LGI4: variants seen among roughly 807,000 people sequenced by gnomAD.
The protein encoded by LGI4 is leucine-rich repeat LGI family member 4.
In LGI4, 36 loss-of-function variants were observed where a neutral mutation model predicts 48.3. The ratio of observed to expected loss-of-function variants is 0.75; its 90% confidence interval spans 0.57 to 0.98. LGI4 has a LOEUF of 0.98. Among genes scored for constraint, LGI4 ranks in the 50% least tolerant of loss-of-function variants. The pLI is 0.00. For missense variants in LGI4, 701 were observed against 732.1 expected, an observed-to-expected ratio of 0.96 and a Z score of 0.49; for synonymous variants, 355 against 331.6, an observed-to-expected ratio of 1.07 and a Z score of -0.77.
chr19:35,126,265 C>A lies in LGI4; in HGVS notation c.1299+5G>T, dbSNP rs1064797095. The A allele has an allele frequency of 6.2e-7, 1 of 1,611,336 alleles. No individual in the cohort carries two copies. The highest frequency in any genetic ancestry group is 8.5e-7 in the Non-Finnish European group (1 of 1,179,304). On this transcript the variant is annotated splice_donor_5th_base_variant and intron_variant, in intron 8 of 8. Coordinates refer to ENST00000310123, the MANE Select transcript of LGI4 (RefSeq NM_139284.3). Reference sequence around the variant, plus strand: ...CCAGCCCCCCGCCCCCAGGCCCAGCCTCACCATGGAGTCCCCAATGTAGCG... The same window carrying A: ...CCAGCCCCCCGCCCCCAGGCCCAGCATCACCATGGAGTCCCCAATGTAGCG...
chr19:35,131,589 G>C, intron 5 of LGI4, 34 bp from the exon 6 acceptor site: 1 of 1,539,618 alleles, frequency 6.5e-7, no homozygotes, highest in African/African-American at 1.4e-5. Context: ...GCTGCGACCC[G>C]GCTTCCACGC....
At position 35,126,869 on chromosome 19, in the gene LGI4, G is replaced by C. The variant is rs142079025; in HGVS notation, c.777C>G (p.Pro259=). Residue 259 remains proline, a synonymous_variant, in exon 7 of 9, where the codon CCC becomes CCG. Transcript: ENST00000310123. ...GGGGCTCACCGGGCAGCTCTTCCTC[G>C]GGCCGGAAGCGCTGCAGGCTGTAGT... ...SWDYSLQRFR[P]EEELPAASVV... The C allele has an allele frequency of 1.5e-3, 2,396 of 1,611,750 alleles. 3 individuals are homozygous for C. The highest frequency in any genetic ancestry group is 1.9e-3 in the Non-Finnish European group (2,211 of 1,179,448).
chr19:35,126,176 C>G, intron 8 of LGI4, 94 bp downstream of exon 8: 1 of 1,382,818 alleles, frequency 7.2e-7, no homozygotes, highest in Non-Finnish European at 1.0e-6. Context: ...GTTCAAAGGT[C>G]GGCATGTGAG....
rs768114458 is a variant in LGI4 at position 35,125,496 on chromosome 19, C to G, written c.1311G>C (p.Trp437Cys). The change falls in exon 9 of 9, where the codon TGG (tryptophan) becomes TGC (cysteine). Residue 437 changes from tryptophan to cysteine, a missense_variant. Physicochemically the swap from Trp to Cys is radical, Grantham distance 215. Around this residue, in one of 3 missense-constraint regions of LGI4, gnomAD observed 223 missense variants for 263.3 expected, o/e 0.85. Transcript: ENST00000310123. ...RYIGDSMVMR[W>C]DGSMFRLLQQ... ...GCAGCAGACGAAACATGGAGCCGTC[C>G]CAGCGCATGACCTGTGGGGGTGTGG... The G allele has an allele frequency of 6.4e-7, 1 of 1,561,370 alleles. No individual in the cohort carries two copies. The highest frequency in any genetic ancestry group is 8.7e-7 in the Non-Finnish European group (1 of 1,150,978).
chr19:35,134,915 A>C lies in LGI4; in HGVS notation c.-235T>G. Reference sequence around the variant, plus strand: ...CTGTCTTTCTGTCTCTGTATTTTTGACTCTGTGTGTTAGTCTGTTTCTATT... The same window carrying C: ...CTGTCTTTCTGTCTCTGTATTTTTGCCTCTGTGTGTTAGTCTGTTTCTATT... On this transcript the variant is annotated 5_prime_UTR_variant, in exon 1 of 9. Coordinates refer to ENST00000310123, the MANE Select transcript of LGI4 (RefSeq NM_139284.3). 7 of 474,696 alleles carry C rather than the reference A, an allele frequency of 1.5e-5. No homozygotes were observed. Among genetic ancestry groups the C allele is most frequent in the African/African-American group, 2.1e-5 (1 of 47,182 alleles). 29.4% of individuals were successfully genotyped at this position (474,696 alleles called of 1,614,324 possible).
At chr19:35,133,834 C>T in intron 2 of LGI4, 70 bp from the exon 3 acceptor site, 1 of 1,508,076 alleles carries the variant, frequency 6.6e-7, no homozygotes, top group Non-Finnish European at 9.0e-7. Context: ...CCCTGGCCTC[C>T]ACCCTCAGCC....
chr19:35,131,907 G>A lies in LGI4; in HGVS notation c.387-47C>T. ...CCGTCAGCAGCCACAAGGATACCCT[G>A]TGTTCCCTGGGGGGTGGAGCATGGG... On this transcript the variant is annotated intron_variant, in intron 4 of 8. Coordinates refer to ENST00000310123, the MANE Select transcript of LGI4 (RefSeq NM_139284.3). The A allele has an allele frequency of 1.9e-6, 3 of 1,564,438 alleles. No homozygotes were observed. The South Asian group carries it at 3.5e-5, about 18-fold the overall frequency.
intron 8 of LGI4, 93 bp downstream of exon 8, chr19:35,126,177 G>A (rs1297555906): frequency 1.4e-6 from 2 of 1,390,582 alleles, no homozygotes; most frequent in South Asian, 1.3e-5. Context: ...TTCAAAGGTC[G>A]GCATGTGAGG....
At position 35,126,500 on chromosome 19, in the gene LGI4, T is replaced by C. The variant is rs2065138452; in HGVS notation, c.1069A>G (p.Ser357Gly). 6.4e-7 allele frequency: 1 copy of C among 1,555,032 alleles called. No individual in the cohort carries two copies. The highest frequency in any genetic ancestry group is 8.7e-7 in the Non-Finnish European group (1 of 1,154,716). Residue 357 changes from serine to glycine, a missense_variant, in exon 8 of 9, where the codon AGC becomes GGC. Ser to Gly is a moderately conservative substitution (Grantham distance 56). Around this residue, in one of 3 missense-constraint regions of LGI4, gnomAD observed 223 missense variants for 263.3 expected, o/e 0.85. Transcript: ENST00000310123. ...GTGTCCCGGTGCCAGGCGTGCAGGC[T>C]CTGGTGCGGGTAAAAGCCGGGCCCG... The part of the protein sequence containing the change: ...RDGPGFYPHQ[S>G]LHAWHRDTDA...
At chr19:35,134,151 T>C in intron 1 of LGI4, 47 bp from the exon 2 acceptor site, 1 of 1,508,866 alleles carries the variant, frequency 6.6e-7, no homozygotes, top group South Asian at 1.2e-5. Context: ...ACAGCAATAC[T>C]CCAGTTGCAA....
rs376261637 is a variant in LGI4 at position 35,134,704 on chromosome 19, C to T, written c.-24G>A. On this transcript the variant is annotated 5_prime_UTR_variant, in exon 1 of 9. It adds an upstream start codon to the 5' untranslated region. Coordinates refer to ENST00000310123, the MANE Select transcript of LGI4 (RefSeq NM_139284.3). ...ATGCCCCCACCCCCACTCTGAGGCA[C>T]CCGCTTCTCCCGGCCCACCCAGCTC... The T allele has an allele frequency of 1.3e-5, 17 of 1,309,912 alleles. No individual in the cohort carries two copies. The highest frequency in any genetic ancestry group is 2.2e-5 in the Admixed American group (1 of 44,910). The allele number at this position is 1,309,912 out of a possible 1,614,324, so 81.1% of individuals were successfully genotyped here.
rs1399693480 is a variant in LGI4, at chr19:35,126,360, G to T, written c.1209C>A (p.Ile403=). The T allele has an allele frequency of 3.7e-6, 6 of 1,611,750 alleles. No homozygotes were observed. In the Admixed American group the frequency reaches 1.0e-4, roughly 27 times the overall value. Residue 403 remains isoleucine, a synonymous_variant, in exon 8 of 9, where the codon ATC becomes ATA. Transcript: ENST00000310123. The part of the protein sequence containing the change: ...TGGRFERRTD[I]PEAEDVYATR... ...TGGCATAGACATCCTCGGCCTCGGG[G>T]ATGTCTGTGCGTCTCTCGAAGCGGC...
chr19:35,126,814 A>T, intron 7 of LGI4, 39 bp from the exon 8 acceptor site: 1 of 1,594,886 alleles, frequency 6.3e-7, no homozygotes, highest in Non-Finnish European at 8.5e-7. Context: ...CCAGCCAGGC[A>T]GGCTGCTGGA....
chr19:35,134,591 G>A lies in LGI4; in HGVS notation c.90C>T (p.Arg30=). The part of the protein sequence containing the change: ...WRPPKGKCPL[R]CSCSKDSALC... ...GGGCGCTGTCTTTAGAGCAGGAGCAGCGCAGGGGACACTTTCCCTTTGGGG... is the reference window on the plus strand; with the variant it reads ...GGGCGCTGTCTTTAGAGCAGGAGCAACGCAGGGGACACTTTCCCTTTGGGG... Residue 30 remains arginine (R), a synonymous_variant, in exon 1 of 9, where the codon CGC becomes CGT. Transcript: ENST00000310123. 6.3e-7 allele frequency: 1 copy of A among 1,586,172 alleles called. No individual in the cohort carries two copies. The highest frequency in any genetic ancestry group is 8.6e-7 in the Non-Finnish European group (1 of 1,166,620).
rs1406476939 is a variant in LGI4 at position 35,134,098 on chromosome 19, G to A, written c.177C>T (p.Leu59=). The A allele has an allele frequency of 5.1e-6, 8 of 1,564,220 alleles. No homozygotes were observed. The highest frequency in any genetic ancestry group is 1.9e-5 in the Admixed American group (1 of 52,696). Reference sequence around the variant, plus strand: ...TCAGCTGGGTGACTCCCGTCCTGACGAGTGAGCTGGGGATGTGGGCAGTGG... The same window carrying A: ...TCAGCTGGGTGACTCCCGTCCTGACAAGTGAGCTGGGGATGTGGGCAGTGG... ...SFSPTLLSLS[L]VRTGVTQLKA... is the part of the protein sequence containing the mutation. The change falls in exon 2 of 9, where the codon CTC becomes CTT. Residue 59 remains leucine (L), a synonymous_variant. Coordinates refer to ENST00000310123, the MANE Select transcript of LGI4 (RefSeq NM_139284.3).
In LGI4 at chr19:35,126,248, C is replaced by CT. The variant is rs1402641355; in HGVS notation, c.1299+21_1299+22insA. ...GGGTCAGTGCTGAAAAGCCAGCCCC[C>CT]CGCCCCCAGGCCCAGCCTCACCATG... On this transcript the variant is annotated intron_variant, in intron 8 of 8. Coordinates refer to ENST00000310123, the MANE Select transcript of LGI4 (RefSeq NM_139284.3). The CT allele has an allele frequency of 1.9e-6, 3 of 1,606,686 alleles. No homozygotes were observed. In the Admixed American group the frequency reaches 5.1e-5, roughly 27 times the overall value.
In LGI4 at chr19:35,126,031, G is replaced by C. The variant is rs1364345813; in HGVS notation, c.1299+239C>G. On this transcript the variant is annotated intron_variant, in intron 8 of 8. Coordinates refer to ENST00000310123, the MANE Select transcript of LGI4 (RefSeq NM_139284.3). ...CTGTGGTGAAGTCTGGAATGCATCC[G>C]AGTCACAGAGCCAGCATTTGGGGGT... 9 of 592,010 alleles carry C rather than the reference G, an allele frequency of 1.5e-5. 1 individual carries two copies. The Admixed American group carries it at 2.6e-4, about 17-fold the overall frequency. The allele number at this position is 592,010 out of a possible 1,614,324, so 36.7% of individuals were successfully genotyped here. A position where few individuals can be genotyped will look rare whatever the true frequency, so the allele number is the denominator to read the frequency against.
At chr19:35,131,131 G>A (rs1282264850) in intron 6 of LGI4, 2 of 606,050 alleles carry the variant, frequency 3.3e-6, no homozygotes, top group Non-Finnish European at 5.9e-6. Flanking sequence ...CGTTTATAAG[G>A]ACCTCCTGTC....
rs2065127123 is a variant in LGI4 at position 35,125,519 on chromosome 19, T to C, written c.1300-12A>G. The C allele has an allele frequency of 2.6e-6, 4 of 1,526,072 alleles. No individual in the cohort carries two copies. The highest frequency in any genetic ancestry group is 3.5e-6 in the Non-Finnish European group (4 of 1,132,338). The allele number at this position is 1,526,072 out of a possible 1,614,324, so 94.5% of individuals were successfully genotyped here. A position where few individuals can be genotyped will look rare whatever the true frequency, so the allele number is the denominator to read the frequency against. Reference sequence around the variant, plus strand: ...TCCCAGCGCATGACCTGTGGGGGTGTGGCCAGTGAGGGCCTGGGGTCCCGG... The same window carrying C: ...TCCCAGCGCATGACCTGTGGGGGTGCGGCCAGTGAGGGCCTGGGGTCCCGG... On this transcript the variant is annotated splice_polypyrimidine_tract_variant and intron_variant, in intron 8 of 8. Coordinates refer to ENST00000310123, the MANE Select transcript of LGI4 (RefSeq NM_139284.3).
Sources: gnomAD v4.1 joint callset for allele counts on GRCh38, gnomAD v4.1.1 for gene constraint, gnomAD v4.1.1 regional missense constraint, MANE v1.5 for transcripts, NCBI Gene and HGNC (gene_info 2026-07-23, HGNC 2026-07-21) for gene names.